PJA1: variants seen among roughly 807,000 people sequenced by gnomAD.
PJA1 encodes the protein E3 ubiquitin-protein ligase Praja-1.
A neutral mutation model predicts 14.1 loss-of-function variants in PJA1; 5 were observed. The ratio of observed to expected loss-of-function variants is 0.35; its 90% CI spans 0.18 to 0.74. PJA1 has a LOEUF of 0.74. Among genes scored for constraint, PJA1 ranks in the 30% least tolerant of loss-of-function variants. The pLI is 0.56. For missense variants in PJA1, 394 were observed against 482.6 expected (o/e 0.82, Z 1.72); for synonymous variants, 174 against 190.9 (o/e 0.91, Z 0.73).
In PJA1 at chrX:69,162,824, C is replaced by T. The variant is rs775249246; in HGVS notation, c.250G>A (p.Val84Met). The part of the protein sequence containing the change: ...EGAGPVERPP[V>M]RGKTGKFKDD... The stretch of plus-strand genomic sequence containing the variant: ...TTAAACTTGCCAGTTTTCCCTCTCA[C>T]TGGCGGTCGCTCAACAGGCCCAGCC... Residue 84 changes from valine (V) to methionine (M), a missense_variant, in exon 2 of 2, where the codon GTG becomes ATG. Physicochemically the swap from Val to Met is conservative, Grantham distance 21. Coordinates refer to ENST00000374571, the MANE Select transcript of PJA1 (RefSeq NM_001032396.4). The T allele has an allele frequency of 1.7e-6, 2 of 1,209,545 alleles. No homozygotes were observed. Among genetic ancestry groups the T allele is most frequent in the East Asian group, 3.0e-5 (1 of 33,741 alleles).
At chrX:69,163,510 G>T in intron 1 of PJA1, 7 of 319,875 alleles carry the variant, frequency 2.2e-5, no homozygotes, top group Non-Finnish European at 3.4e-5. Context: ...ACAAGACTGG[G>T]TTTGCAGGAA....
Position 69,161,783 on chromosome X carries a change from G to T in PJA1, c.1291C>A (p.Pro431Thr). ...TTTCCATCCAGCATGAATACCCCAG[G>T]TTGCATCAACTCGTGACCAGAATCA... is the stretch of plus-strand genomic sequence containing the variant. ...DNDSGHELMQPGVFMLDGNNN... is the reference protein window; with the variant it reads ...DNDSGHELMQTGVFMLDGNNN... The change falls in exon 2 of 2, where the codon CCT becomes ACT. Residue 431 changes from proline to threonine, a missense_variant. By Grantham distance (38) the Pro-to-Thr change is conservative. This residue lies in a region of PJA1 where 378 missense variants were observed against 439.3 expected (regional missense o/e 0.86). Coordinates refer to ENST00000374571, the MANE Select transcript of PJA1 (RefSeq NM_001032396.4). 8.3e-7 allele frequency: 1 copy of T among 1,211,315 alleles called. No individual in the cohort carries two copies. The highest frequency in any genetic ancestry group is 1.7e-5 in the African/African-American group (1 of 57,657).
In PJA1 at chrX:69,161,908, A is replaced by G; in HGVS notation, c.1166T>C (p.Val389Ala). The G allele has an allele frequency of 1.7e-6, 2 of 1,210,356 alleles. No homozygotes were observed. The highest frequency in any genetic ancestry group is 1.1e-6 in the Non-Finnish European group (1 of 895,095). The change falls in exon 2 of 2, where the codon GTT becomes GCT. Residue 389 changes from valine to alanine, a missense_variant. Around this residue, in one of 2 missense-constraint regions of PJA1, gnomAD observed 378 missense variants for 439.3 expected, o/e 0.86. Coordinates refer to ENST00000374571, the MANE Select transcript of PJA1 (RefSeq NM_001032396.4). ...GSNGSNYLEE[V>A]REPSLQEEQA... ...CTCTTCCTGAAGAGATGGTTCTCGA[A>G]CTTCTTCAAGGTAATTGCTGCCATT... is the stretch of plus-strand genomic sequence containing the variant.
At chrX:69,163,841 A>G (rs113433731) in intron 1 of PJA1, among the ~76,000 whole-genome samples, 1,838 of 110,523 alleles carry the variant, frequency 0.017, 20 homozygotes, top group Non-Finnish European at 0.026. Flanking sequence ...TGAGTGTTAG[A>G]ATGAGACCCA....
chrX:69,165,283 C>A (rs1437876154), intron 1 of PJA1, 89 bp downstream of exon 1: 1 of 112,841 alleles, frequency 8.9e-6, no homozygotes, highest in East Asian at 2.8e-4. Flanking sequence ...AATCCTCGCC[C>A]CCGTGCCCGG....
chrX:69,163,667 T>C (rs1169989652), intron 1 of PJA1: 1 of 140,691 alleles, frequency 7.1e-6, no homozygotes, highest in Non-Finnish European at 1.5e-5. Flanking sequence ...TTCTGAGTGC[T>C]GCAGACATAC....
Position 69,162,532 on chromosome X carries a change from GC to G in PJA1, c.541del (p.Ala181LeufsTer3). 8.3e-7 allele frequency: 1 copy of G among 1,211,696 alleles called. No homozygotes were observed. On this transcript the variant is annotated frameshift_variant, in exon 2 of 2. Transcript: ENST00000374571. LOFTEE classifies it low-confidence loss of function (END_TRUNC). ...CCCACCACCACAAATACTCACAGGAGCCCTGCTGGGACGTGCAGGTAAATTT... is the reference window on the plus strand; with the variant it reads ...CCCACCACCACAAATACTCACAGGAGCCTGCTGGGACGTGCAGGTAAATTT... ...EQNLPARPSR[A>X]PVSICGGGEN...
intron 1 of PJA1, among the ~76,000 whole-genome samples, chrX:69,163,913 G>A (rs1029761494): frequency 3.6e-5 from 4 of 110,215 alleles, no homozygotes; most frequent in Admixed American, 9.6e-5. Flanking sequence ...AGAGGGGTGC[G>A]TGTATGTATG....
intron 1 of PJA1, among the ~76,000 whole-genome samples, chrX:69,164,023 T>C (rs949426858): frequency 9.1e-6 from 1 of 110,046 alleles, no homozygotes; most frequent in African/African-American, 3.3e-5. Flanking sequence ...GAGGAGTGTA[T>C]GGTTGGCAAT....
rs1165352885 is a variant in PJA1 at position 69,163,269 on chromosome X, C to T, written c.-67-129G>A. On this transcript the variant is annotated intron_variant, in intron 1 of 1. Coordinates refer to ENST00000374571, the MANE Select transcript of PJA1 (RefSeq NM_001032396.4). Reference sequence around the variant, plus strand: ...TGACTTAGGAGGGTTTCCAATACAGCTGGGGCTCGGGTAGGAGGGCTCCTG... The same window carrying T: ...TGACTTAGGAGGGTTTCCAATACAGTTGGGGCTCGGGTAGGAGGGCTCCTG... The T allele has an allele frequency of 5.9e-6, 7 of 1,178,509 alleles. No homozygotes were observed. In the South Asian group the frequency reaches 1.4e-4, roughly 23 times the overall value.
intron 1 of PJA1, 115 bp from the exon 2 acceptor site, chrX:69,163,255 G>T: frequency 8.4e-7 from 1 of 1,190,376 alleles, no homozygotes; most frequent in Non-Finnish European, 1.1e-6. Flanking sequence ...GACTTAGGAG[G>T]GTTTCCAATA....
rs1333560803 is a variant in PJA1 at position 69,161,308 on chromosome X, T to C, written c.1766A>G (p.Ter589=). Residue 589 remains the stop codon, a stop_retained_variant, in exon 2 of 2, where the codon TAA becomes TGA. Transcript: ENST00000374571. ...ACCAGGAGTAAACGGCCTTGGTCTT[T>C]AGAGTGGGGGAGGGAACATGCAGCG... is the stretch of plus-strand genomic sequence containing the variant. ...VCRCMFPPPL[*] 3 of 1,162,499 alleles carry C rather than the reference T, an allele frequency of 2.6e-6. No homozygotes were observed. The highest frequency in any genetic ancestry group is 2.3e-6 in the Non-Finnish European group (2 of 869,363).
Position 69,161,104 on chromosome X carries a change from TTTC to T in PJA1, c.*200_*202del. 1.7e-6 allele frequency: 1 copy of T among 599,448 alleles called. No individual in the cohort carries two copies. The highest frequency in any genetic ancestry group is 2.3e-6 in the Non-Finnish European group (1 of 433,261). 49.4% of individuals were successfully genotyped at this position (599,448 alleles called of 1,213,427 possible). On this transcript the variant is annotated 3_prime_UTR_variant, in exon 2 of 2. Coordinates refer to ENST00000374571, the MANE Select transcript of PJA1 (RefSeq NM_001032396.4). Reference sequence around the variant, plus strand: ...GCATTTAGAAAGTTTAGTTTTCCCTTTTCTAACCTCTAAAAGATGATATGATTT... The same window carrying T: ...GCATTTAGAAAGTTTAGTTTTCCCTTTAACCTCTAAAAGATGATATGATTT...
chrX:69,162,331 C>T lies in PJA1; in HGVS notation c.743G>A (p.Gly248Asp). The part of the protein sequence containing the change: ...TANDNEGHSD[G>D]LARRGRGESS... ...CTCGCCTCTCCCTCTTCTTGCCAGG[C>T]CATCCGAGTGGCCCTCATTGTCATT... Residue 248 changes from glycine to aspartate, a missense_variant, in exon 2 of 2, where the codon GGC (glycine) becomes GAC (aspartate). By Grantham distance (94) the Gly-to-Asp change is moderately conservative (BLOSUM62 -1). Around this residue, in one of 2 missense-constraint regions of PJA1, gnomAD observed 378 missense variants for 439.3 expected, o/e 0.86. Coordinates refer to ENST00000374571, the MANE Select transcript of PJA1 (RefSeq NM_001032396.4). 1.7e-6 allele frequency: 2 copies of T among 1,211,125 alleles called. No individual in the cohort carries two copies. The highest frequency in any genetic ancestry group is 2.2e-6 in the Non-Finnish European group (2 of 895,369).
In PJA1 at chrX:69,161,585, G is replaced by C; in HGVS notation, c.1489C>G (p.Leu497Val). The C allele has an allele frequency of 8.3e-7, 1 of 1,211,819 alleles. No homozygotes were observed. Among genetic ancestry groups the C allele is most frequent in the African/African-American group, 1.7e-5 (1 of 57,779 alleles). ...ACTGCGAGAGACTCCAAGTGCGCAA[G>C]GGCAGTTTCCATTGCCTGGGCCAGG... ...ERLAQAMETA[L>V]AHLESLAVDV... is the part of the protein sequence containing the mutation. Residue 497 changes from leucine to valine, a missense_variant, in exon 2 of 2, where the codon CTT (leucine) becomes GTT (valine). Leu to Val is a conservative substitution (Grantham distance 32). Coordinates refer to ENST00000374571, the MANE Select transcript of PJA1 (RefSeq NM_001032396.4).
Position 69,162,771 on chromosome X carries a change from T to C in PJA1, c.303A>G (p.Lys101=). ...FKDDKLYDPE[K]GARSLAGPPP... ...GTGGCCCAGCCAAAGACCTTGCCCC[T>C]TTCTCTGGGTCATACAGCTTATCAT... The change falls in exon 2 of 2, where the codon AAA becomes AAG. Residue 101 remains lysine (K), a synonymous_variant. Coordinates refer to ENST00000374571, the MANE Select transcript of PJA1 (RefSeq NM_001032396.4). The C allele has an allele frequency of 8.3e-7, 1 of 1,210,519 alleles. No homozygotes were observed. Among genetic ancestry groups the C allele is most frequent in the South Asian group, 1.8e-5 (1 of 56,651 alleles).
Position 69,162,050 on chromosome X carries a change from G to A in PJA1, c.1024C>T (p.Pro342Ser), listed in dbSNP as rs758156266. 5.0e-6 allele frequency: 6 copies of A among 1,208,448 alleles called. No homozygotes were observed. Among genetic ancestry groups the A allele is most frequent in the African/African-American group, 1.8e-5 (1 of 56,743 alleles). The change falls in exon 2 of 2, where the codon CCG becomes TCG. Residue 342 changes from proline to serine, a missense_variant. By Grantham distance (74) the Pro-to-Ser change is moderately conservative (BLOSUM62 -1). Transcript: ENST00000374571. ...GGAGGTTCCCGCTCTTCTTTCCCCGGCAGAGTCTCCCAGCTTTCGCCACTG... is the reference window on the plus strand; with the variant it reads ...GGAGGTTCCCGCTCTTCTTTCCCCGACAGAGTCTCCCAGCTTTCGCCACTG... ...SSSGESWETLPGKEEREPPQA... is the reference protein window; with the variant it reads ...SSSGESWETLSGKEEREPPQA...
Position 69,161,944 on chromosome X carries a change from C to T in PJA1, c.1130G>A (p.Ser377Asn), listed in dbSNP as rs5937160. ...SASAGAGAGA[S>N]AGSNGSNYLE... Reference sequence around the variant, plus strand: ...GTAATTGCTGCCATTGCTGCCAGCACTGGCCCCGGCGCCAGCCCCGGCACT... The same window carrying T: ...GTAATTGCTGCCATTGCTGCCAGCATTGGCCCCGGCGCCAGCCCCGGCACT... The change falls in exon 2 of 2, where the codon AGT (serine) becomes AAT (asparagine). Residue 377 changes from serine to asparagine, a missense_variant. Transcript: ENST00000374571. 254,007 of 1,207,028 alleles carry T rather than the reference C, an allele frequency of 0.21. 20,676 individuals are homozygous for T. Among genetic ancestry groups the T allele is most frequent in the Non-Finnish European group, 0.24 (218,230 of 894,092 alleles).
Position 69,161,545 on chromosome X carries a change from G to C in PJA1, c.1529C>G (p.Ala510Gly). The C allele has an allele frequency of 2.5e-6, 3 of 1,210,465 alleles. No homozygotes were observed. Among genetic ancestry groups the C allele is most frequent in the East Asian group, 3.0e-5 (1 of 33,768 alleles). ...LESLAVDVEV[A>G]NPPASKESID... ...GCTCTCCTTGCTTGCTGGTGGATTGGCCACCTCTACATCCACTGCGAGAGA... is the reference window on the plus strand; with the variant it reads ...GCTCTCCTTGCTTGCTGGTGGATTGCCCACCTCTACATCCACTGCGAGAGA... The change falls in exon 2 of 2, where the codon GCC becomes GGC. Residue 510 changes from alanine (A) to glycine (G), a missense_variant. This residue lies in a region of PJA1 where 378 missense variants were observed against 439.3 expected (regional missense o/e 0.86). Transcript: ENST00000374571.
Sources: gnomAD v4.1 joint callset for allele counts (sites outside exome capture counted in the v4.1 genomes callset) on GRCh38, gnomAD v4.1.1 for gene constraint, gnomAD v4.1.1 regional missense constraint, MANE v1.5 for transcripts, NCBI Gene and HGNC (gene_info 2026-07-23, HGNC 2026-07-21) for gene names.